NPSR1: variants seen among roughly 807,000 people sequenced by gnomAD.
NPSR1 encodes the protein neuropeptide S receptor 1, also known as neuropeptide S receptor.
In NPSR1, 48 loss-of-function variants were observed where a neutral mutation model predicts 46.9. The observed-to-expected ratio is 1.02, with a 90% confidence interval of 0.81 to 1.30. NPSR1 has a LOEUF of 1.30. NPSR1 is among the 50% of genes most tolerant of loss of function. NPSR1 has a pLI of 0.00. For missense variants in NPSR1, 450 were observed against 449.5 expected (o/e 1.00, Z -0.01); for synonymous variants, 176 against 168.1 (o/e 1.05, Z -0.36).
chr7:34,713,892 T>C (rs938783685), intron 2 of NPSR1, among the ~76,000 whole-genome samples: 2 of 152,254 alleles, frequency 1.3e-5, no homozygotes, highest in African/African-American at 4.8e-5. Flanking sequence ...TCAGGGAACA[T>C]CATTCACATG....
chr7:34,750,462 C>T lies in NPSR1; in HGVS notation c.281-28000C>T, dbSNP rs189691074. ...GGTGTGACGAAGTCATTGTCTGAGG[C>T]TGCAGAAGCCAGAGGCTGGTGCCTA... On this transcript the variant is annotated intron_variant, in intron 2 of 8. Transcript: ENST00000360581. 3.7e-5 allele frequency: 27 copies of T among 734,338 alleles called. No homozygotes were observed. In the East Asian group the frequency reaches 6.9e-4, roughly 19 times the overall value. The allele number at this position is 734,338 out of a possible 1,614,324, so 45.5% of individuals were successfully genotyped here.
Position 34,829,430 on chromosome 7 carries a change from G to A in NPSR1, c.680+1828G>A, listed in dbSNP as rs6959851. On this transcript the variant is annotated intron_variant, in intron 5 of 8. Transcript: ENST00000360581. ...AGACAACTATCCAAGGTAAGTCACA[G>A]CGCATGGGAAGGGGCCCATGGCAGA... Among the ~76,000 whole-genome samples the A allele has an allele frequency of 5.7e-3, 864 of 152,344 alleles. 6 individuals carry two copies. Among genetic ancestry groups the A allele is most frequent in the African/African-American group, 0.02 (825 of 41,580 alleles).
At chr7:34,781,389 A>G (rs1406069512) in intron 3 of NPSR1, among the ~76,000 whole-genome samples, 2 of 152,204 alleles carry the variant, frequency 1.3e-5, no homozygotes, top group Non-Finnish European at 2.9e-5. Context: ...AGGGCCCATT[A>G]AAGAATTTGC....
intron 3 of NPSR1, among the ~76,000 whole-genome samples, chr7:34,784,246 A>G (rs1787361010): frequency 6.6e-6 from 1 of 152,186 alleles, no homozygotes; most frequent in Non-Finnish European, 1.5e-5. Flanking sequence ...GAGAGAGGGC[A>G]TCCCTGTCTT....
chr7:34,853,599 A>T (rs1790986733), downstream of NPSR1, among the ~76,000 whole-genome samples: 1 of 152,220 alleles, frequency 6.6e-6, no homozygotes, highest in Admixed American at 6.5e-5. Context: ...GTCTTATATC[A>T]GCTGGTCTCA....
chr7:34,714,590 T>C (rs1783473569), intron 2 of NPSR1, among the ~76,000 whole-genome samples: 1 of 152,206 alleles, frequency 6.6e-6, no homozygotes, highest in Non-Finnish European at 1.5e-5. Context: ...CCAAAGATGA[T>C]AGATCTCCTG....
chr7:34,821,902 T>C (rs1789576385), intron 4 of NPSR1, among the ~76,000 whole-genome samples: 1 of 152,112 alleles, frequency 6.6e-6, no homozygotes. Flanking sequence ...AGAAACACAT[T>C]AGCCAGCTGC....
intron 4 of NPSR1, among the ~76,000 whole-genome samples, chr7:34,816,243 CA>C (rs1043515357): frequency 1.7e-5 from 2 of 119,806 alleles, no homozygotes; most frequent in Admixed American, 1.8e-4. Context: ...AAATGGAAAG[CA>C]AAAAAAAGCA....
At chr7:34,666,116 G>C (rs1176994822) in intron 1 of NPSR1, among the ~76,000 whole-genome samples, 1 of 152,152 alleles carries the variant, frequency 6.6e-6, no homozygotes, top group Non-Finnish European at 1.5e-5. Flanking sequence ...TGAATTTATA[G>C]GTGTCATAAT....
At chr7:34,711,558 A>G (rs1046919446) in intron 2 of NPSR1, 1 of 152,226 alleles carries the variant, frequency 6.6e-6, no homozygotes, top group Non-Finnish European at 1.5e-5. Flanking sequence ...AAAAAAATAC[A>G]TAGTTAAAAT....
At chr7:34,765,841 G>T (rs577863051) in intron 2 of NPSR1, among the ~76,000 whole-genome samples, 1 of 152,320 alleles carries the variant, frequency 6.6e-6, no homozygotes, top group South Asian at 2.1e-4. Flanking sequence ...ATAAGTGGGA[G>T]TTAAACCTTG....
At chr7:34,668,866 A>G (rs1466972401) in intron 1 of NPSR1, among the ~76,000 whole-genome samples, 2 of 152,204 alleles carry the variant, frequency 1.3e-5, no homozygotes, top group Admixed American at 1.3e-4. Context: ...GTTCATGGTC[A>G]CGTCTGGTAT....
At chr7:34,776,014 A>G (rs957038488) in intron 2 of NPSR1, among the ~76,000 whole-genome samples, 6 of 152,020 alleles carry the variant, frequency 3.9e-5, no homozygotes, top group Admixed American at 1.3e-4. Flanking sequence ...ATATGGTTTG[A>G]TTTCCATGTA....
intron 2 of NPSR1, among the ~76,000 whole-genome samples, chr7:34,775,411 T>C (rs924316751): frequency 1.3e-5 from 2 of 152,194 alleles, no homozygotes; most frequent in Non-Finnish European, 2.9e-5. Flanking sequence ...TTGAGTAAGA[T>C]GATATTAGTT....
At chr7:34,769,851 T>C (rs752968153) in intron 2 of NPSR1, among the ~76,000 whole-genome samples, 1 of 152,224 alleles carries the variant, frequency 6.6e-6, no homozygotes, top group Non-Finnish European at 1.5e-5. Context: ...GACAAATTTT[T>C]AAAAGCAAGA....
chr7:34,674,251 G>C (rs1208851940), intron 1 of NPSR1, among the ~76,000 whole-genome samples: 1 of 152,076 alleles, frequency 6.6e-6, no homozygotes, highest in East Asian at 1.9e-4. Context: ...ACTGCCCAGG[G>C]GTCACCACAT....
intron 2 of NPSR1, among the ~76,000 whole-genome samples, chr7:34,775,692 T>C (rs1031740055): frequency 6.6e-6 from 1 of 152,162 alleles, no homozygotes; most frequent in Admixed American, 6.5e-5. Context: ...TTTTGTTTCA[T>C]TGATATTTTG....
chr7:34,805,029 A>T (rs1788626848), intron 3 of NPSR1, among the ~76,000 whole-genome samples: 1 of 152,016 alleles, frequency 6.6e-6, no homozygotes, highest in South Asian at 2.1e-4. Flanking sequence ...ATGGAAAAAA[A>T]AGCAAATATC....
intron 2 of NPSR1, among the ~76,000 whole-genome samples, chr7:34,767,132 T>C (rs1786474145): frequency 6.6e-6 from 1 of 152,182 alleles, no homozygotes; most frequent in African/African-American, 2.4e-5. Flanking sequence ...ATATATGACA[T>C]GCTTGTAAAA....
Sources: allele counts gnomAD v4.1 joint callset (sites outside exome capture counted in the v4.1 genomes callset), GRCh38; gene constraint gnomAD v4.1.1; transcripts MANE v1.5; gene names NCBI Gene and HGNC (gene_info 2026-07-23, HGNC 2026-07-21).